The following ZDHHC21 variants were observed in gnomAD, a reference collection of about 807,000 sequenced individuals.
ZDHHC21 encodes palmitoyltransferase ZDHHC21.
In ZDHHC21, 15 loss-of-function variants were observed where a neutral mutation model predicts 34.6. The observed-to-expected ratio is 0.43, with a 90% CI of 0.29 to 0.67. The LOEUF (loss-of-function observed/expected upper bound fraction) is 0.67, where lower values mean the gene tolerates loss of function less well. ZDHHC21 is among the 30% of genes least tolerant of loss of function. The pLI is 0.14. For missense variants in ZDHHC21, 344 were observed against 327.7 expected, an observed-to-expected ratio of 1.05 and a Z score of -0.38; for synonymous variants, 142 against 101.8, an observed-to-expected ratio of 1.40 and a Z score of -2.38.
rs188959224 is a variant in ZDHHC21 at position 14,644,692 on chromosome 9, T to A, written c.505-4680A>T. 2.1e-3 allele frequency among the ~76,000 whole-genome samples: 314 copies of A among 152,122 alleles called. 1 individual carries two copies. The highest frequency in any genetic ancestry group is 7.2e-3 in the African/African-American group (299 of 41,516). On this transcript the variant is annotated intron_variant, in intron 7 of 9. Transcript: ENST00000380916. ...AATGTGATAAAATATACTGACTTAT[T>A]TTCTAGTGCAAAAACCACCTTTCAT...
chr9:14,634,945 A>C (rs1828007274), intron 8 of ZDHHC21, among the ~76,000 whole-genome samples: 1 of 152,134 alleles, frequency 6.6e-6, no homozygotes, highest in East Asian at 1.9e-4. Flanking sequence ...AAGCAATTAG[A>C]AAAACAATTC....
chr9:14,641,802 T>C (rs1300998525), intron 7 of ZDHHC21, among the ~76,000 whole-genome samples: 1 of 152,220 alleles, frequency 6.6e-6, no homozygotes, highest in Admixed American at 6.5e-5. Context: ...AGTATTTATG[T>C]ATTTCTTAAT....
chr9:14,643,944 T>C (rs1369178490), intron 7 of ZDHHC21, among the ~76,000 whole-genome samples: 2 of 152,222 alleles, frequency 1.3e-5, no homozygotes, highest in Non-Finnish European at 2.9e-5. Flanking sequence ...TGTCATCCCA[T>C]CTTACTCTTT....
chr9:14,608,016 T>C (rs575497327), downstream of ZDHHC21, among the ~76,000 whole-genome samples: 40 of 152,310 alleles, frequency 2.6e-4, no homozygotes, highest in African/African-American at 8.7e-4. Flanking sequence ...TGAAATGCTT[T>C]TGAACACTGA....
the ZDHHC21 span, among the ~76,000 whole-genome samples, chr9:14,600,139 T>C: frequency 2.6e-5 from 4 of 152,156 alleles, no homozygotes; most frequent in African/African-American, 4.8e-5. Flanking sequence ...CAACATAGTA[T>C]TGGAAGTTCT....
At chr9:14,600,829 G>C in the ZDHHC21 span, among the ~76,000 whole-genome samples, 5 of 152,070 alleles carry the variant, frequency 3.3e-5, no homozygotes, top group African/African-American at 9.7e-5. Flanking sequence ...CAGAACAGAG[G>C]CCTCAGAAAC....
the ZDHHC21 span, among the ~76,000 whole-genome samples, chr9:14,596,712 A>G: frequency 6.6e-6 from 1 of 152,270 alleles, no homozygotes; most frequent in Non-Finnish European, 1.5e-5. Flanking sequence ...AAAGCAAATA[A>G]TTCTGAAAGA....
At chr9:14,642,909 G>A (rs1466794318) in intron 7 of ZDHHC21, among the ~76,000 whole-genome samples, 1 of 152,012 alleles carries the variant, frequency 6.6e-6, no homozygotes, top group East Asian at 1.9e-4. Flanking sequence ...CTCATATACA[G>A]ATAAATTCAT....
the ZDHHC21 span, among the ~76,000 whole-genome samples, chr9:14,604,305 A>G: frequency 6.6e-6 from 1 of 152,226 alleles, no homozygotes; most frequent in East Asian, 1.9e-4. Context: ...TATATAAACT[A>G]CAGTTTATTC....
chr9:14,684,191 G>A (rs1266525431), intron 2 of ZDHHC21, among the ~76,000 whole-genome samples: 1 of 151,216 alleles, frequency 6.6e-6, no homozygotes, highest in African/African-American at 2.4e-5. Context: ...AGTGTTGGAA[G>A]TTCTGGCCAG....
intron 7 of ZDHHC21, among the ~76,000 whole-genome samples, chr9:14,641,918 C>T (rs777828340): frequency 5.3e-5 from 8 of 152,110 alleles, no homozygotes; most frequent in South Asian, 4.1e-4. Context: ...TTTTAATGCA[C>T]GGTTTTACAC....
intron 1 of ZDHHC21, among the ~76,000 whole-genome samples, chr9:14,691,322 G>C (rs114040807): frequency 0.013 from 1,967 of 152,296 alleles, 49 homozygotes; most frequent in African/African-American, 0.045. Context: ...GCAGCAGTTT[G>C]CACTTGTTAC....
intron 8 of ZDHHC21, among the ~76,000 whole-genome samples, chr9:14,632,462 G>T (rs990893564): frequency 2.0e-5 from 3 of 151,696 alleles, no homozygotes; most frequent in Admixed American, 1.3e-4. Flanking sequence ...ATGAATCATA[G>T]TACTAAATAT....
intron 2 of ZDHHC21, 135 bp from the exon 3 acceptor site, chr9:14,680,297 A>C (rs2131596242): frequency 6.6e-6 from 1 of 152,296 alleles, no homozygotes. Flanking sequence ...ACTCCATTTG[A>C]TTCTGTGCTT....
At chr9:14,639,361 T>C (rs994916321) in intron 8 of ZDHHC21, among the ~76,000 whole-genome samples, 3 of 151,946 alleles carry the variant, frequency 2.0e-5, no homozygotes, top group African/African-American at 7.3e-5. Context: ...CTGGAAAGGG[T>C]GCATGGGTGG....
intron 5 of ZDHHC21, among the ~76,000 whole-genome samples, chr9:14,671,186 G>A (rs1055482712): frequency 3.3e-5 from 5 of 151,968 alleles, no homozygotes; most frequent in Non-Finnish European, 7.4e-5. Flanking sequence ...TGTTTAACCT[G>A]GAGATTTACT....
intron 2 of ZDHHC21, among the ~76,000 whole-genome samples, chr9:14,682,968 A>G (rs1323128771): frequency 6.6e-6 from 1 of 152,220 alleles, no homozygotes; most frequent in Non-Finnish European, 1.5e-5. Context: ...AGGCAGAAAT[A>G]AAGATGTTAT....
At position 14,616,434 on chromosome 9, in the gene ZDHHC21, T is replaced by A. The variant is rs1055158333; in HGVS notation, c.*2532A>T. 1.6e-4 allele frequency: 25 copies of A among 151,802 alleles called. No homozygotes were observed. The highest frequency in any genetic ancestry group is 1.6e-3 in the Admixed American group (24 of 15,186). 9.4% of individuals were successfully genotyped at this position (151,802 alleles called of 1,614,324 possible). A position where few individuals can be genotyped will look rare whatever the true frequency, so the allele number is the denominator to read the frequency against. Reference sequence around the variant, plus strand: ...AATAACATCATAAAAACATGTTCATTTTCATAAAATTTTACATTTTTGTAC... The same window carrying A: ...AATAACATCATAAAAACATGTTCATATTCATAAAATTTTACATTTTTGTAC... On this transcript the variant is annotated 3_prime_UTR_variant, in exon 10 of 10. Transcript: ENST00000380916.
chr9:14,662,474 C>T, intron 5 of ZDHHC21, 148 bp from the exon 6 acceptor site: 2 of 571,278 alleles, frequency 3.5e-6, no homozygotes, highest in East Asian at 2.9e-5. Flanking sequence ...AATGTGTTTG[C>T]CATAAATGCT....
Sources: allele counts gnomAD v4.1 joint callset (sites outside exome capture counted in the v4.1 genomes callset), GRCh38; gene constraint gnomAD v4.1.1; transcripts MANE v1.5; gene names NCBI Gene and HGNC (gene_info 2026-07-23, HGNC 2026-07-21).